The following ST6GAL2 variants were observed in gnomAD, a reference collection of about 807,000 sequenced individuals.
ST6GAL2 encodes beta-galactoside alpha-2,6-sialyltransferase 2.
In ST6GAL2, 24 loss-of-function variants were observed where a neutral mutation model predicts 37.5. That is an observed-to-expected ratio of 0.64 (90% CI 0.46 to 0.90). The LOEUF (loss-of-function observed/expected upper bound fraction) is 0.90. Ranked by LOEUF, ST6GAL2 falls within the 40% of genes least tolerant of loss-of-function variation. ST6GAL2 has a pLI of 0.00. For synonymous variants in ST6GAL2, 306 were observed against 295.1 expected, an observed-to-expected ratio of 1.04 and a Z score of -0.38; for missense variants, 715 against 712.7, an observed-to-expected ratio of 1.00 and a Z score of -0.04.
Position 106,830,191 on chromosome 2 carries a change from C to A in ST6GAL2, c.1193G>T (p.Arg398Leu), listed in dbSNP as rs144935783. 1 of 1,613,584 alleles carries A rather than the reference C, an allele frequency of 6.2e-7. No individual in the cohort carries two copies. The highest frequency in any genetic ancestry group is 8.5e-7 in the Non-Finnish European group (1 of 1,179,974). ...YNLFTPYIQH[R>L]QRNPNQPFYI... is the part of the protein sequence containing the mutation. The stretch of plus-strand genomic sequence containing the variant: ...AAATGGCTGATTTGGGTTTCTCTGA[C>A]GATGCTGAATATATGGAGTGAACAG... The change falls in exon 5 of 6, where the codon CGT (arginine) becomes CTT (leucine). Residue 398 changes from arginine (R) to leucine (L), a missense_variant. Arg to Leu is a moderately radical substitution (Grantham distance 102). Around this residue, in one of 3 missense-constraint regions of ST6GAL2, gnomAD observed 198 missense variants for 203.6 expected, o/e 0.97. Coordinates refer to ENST00000409382, the MANE Select transcript of ST6GAL2 (RefSeq NM_001142351.2).
chr2:106,855,037 T>A (rs1677520504), intron 1 of ST6GAL2, among the ~76,000 whole-genome samples: 1 of 152,190 alleles, frequency 6.6e-6, no homozygotes, highest in Non-Finnish European at 1.5e-5. Context: ...GTTAATGAGC[T>A]TATTATAATT....
Position 106,843,694 on chromosome 2 carries a change from T to G in ST6GAL2, c.284A>C (p.Asp95Ala). 1 of 1,613,126 alleles carries G rather than the reference T, an allele frequency of 6.2e-7. No individual in the cohort carries two copies. Among genetic ancestry groups the G allele is most frequent in the Non-Finnish European group, 8.5e-7 (1 of 1,179,996 alleles). ...TTGGGACTGGGCCCATTTCTGCAGG[T>G]CTCCAGGCCCCGCATGAAAGGAACC... ...PAGSFHAGPG[D>A]LQKWAQSQDG... Residue 95 changes from aspartate to alanine, a missense_variant, in exon 2 of 6, where the codon GAC becomes GCC. Around this residue, in one of 3 missense-constraint regions of ST6GAL2, gnomAD observed 512 missense variants for 488.8 expected, o/e 1.05. Transcript: ENST00000409382.
At chr2:106,868,313 C>T (rs1000296197) in intron 1 of ST6GAL2, among the ~76,000 whole-genome samples, 3 of 152,112 alleles carry the variant, frequency 2.0e-5, no homozygotes, top group Admixed American at 6.5e-5. Context: ...TACAAATCCC[C>T]GGCAAGGTGC....
intron 1 of ST6GAL2, among the ~76,000 whole-genome samples, chr2:106,866,628 T>C (rs775122546): frequency 1.3e-5 from 2 of 152,132 alleles, no homozygotes; most frequent in Non-Finnish European, 2.9e-5. Context: ...AGTAAGGCAA[T>C]TGTACTTTAA....
intron 1 of ST6GAL2, among the ~76,000 whole-genome samples, chr2:106,884,127 G>T (rs779240735): frequency 6.6e-5 from 10 of 151,886 alleles, no homozygotes; most frequent in South Asian, 2.1e-4. Context: ...ACTCGGGGGT[G>T]GGGGGGTGGA....
chr2:106,847,517 C>G (rs930213645), intron 1 of ST6GAL2, among the ~76,000 whole-genome samples: 3 of 152,126 alleles, frequency 2.0e-5, no homozygotes, highest in Admixed American at 6.5e-5. Flanking sequence ...GTGTTAAGGG[C>G]TCAGGCCTCC....
intron 5 of ST6GAL2, among the ~76,000 whole-genome samples, chr2:106,817,901 T>G (rs1675862104): frequency 6.6e-6 from 1 of 152,030 alleles, no homozygotes; most frequent in African/African-American, 2.4e-5. Flanking sequence ...TGAAGAGTCC[T>G]TGGGCCTTAA....
intron 5 of ST6GAL2, among the ~76,000 whole-genome samples, chr2:106,812,873 C>A (rs907877378): frequency 6.6e-6 from 1 of 152,122 alleles, no homozygotes; most frequent in East Asian, 1.9e-4. Context: ...CAGTAAAGGA[C>A]AGCTTTTAAA....
intron 2 of ST6GAL2, among the ~76,000 whole-genome samples, chr2:106,841,762 A>G (rs558832578): frequency 5.3e-5 from 8 of 152,298 alleles, no homozygotes; most frequent in African/African-American, 1.9e-4. Context: ...ATGCAGGCCC[A>G]TCTGGTGCAG....
chr2:106,827,584 A>G (rs925260768), intron 5 of ST6GAL2, among the ~76,000 whole-genome samples: 5 of 152,134 alleles, frequency 3.3e-5, no homozygotes, highest in African/African-American at 1.2e-4. Context: ...GTGGGAACTG[A>G]GGGATTTCTT....
At position 106,805,703 on chromosome 2, in the gene ST6GAL2, G is replaced by C. The variant is rs781702433; in HGVS notation, c.*975C>G. ...TAATAAAGACAGGCGTGCATCCCTA[G>C]AAGCACAGGGTGATGGCTCCAAAAT... is the stretch of plus-strand genomic sequence containing the variant. On this transcript the variant is annotated 3_prime_UTR_variant, in exon 6 of 6. Coordinates refer to ENST00000409382, the MANE Select transcript of ST6GAL2 (RefSeq NM_001142351.2). 2.0e-5 allele frequency: 3 copies of C among 152,196 alleles called. No individual in the cohort carries two copies. The highest frequency in any genetic ancestry group is 2.9e-5 in the Non-Finnish European group (2 of 68,048). The allele number at this position is 152,196 out of a possible 1,614,324, so 9.4% of individuals were successfully genotyped here.
chr2:106,852,291 C>T (rs963269977), intron 1 of ST6GAL2, among the ~76,000 whole-genome samples: 1 of 152,322 alleles, frequency 6.6e-6, no homozygotes, highest in East Asian at 1.9e-4. Flanking sequence ...GGGCAGCCCC[C>T]CTGCAGGCAG....
chr2:106,870,801 T>G (rs1029864715), intron 1 of ST6GAL2, among the ~76,000 whole-genome samples: 5 of 152,134 alleles, frequency 3.3e-5, no homozygotes, highest in Admixed American at 1.3e-4. Context: ...AATTAAAAAG[T>G]GCAGAGAAAC....
chr2:106,851,357 C>T (rs960496415), intron 1 of ST6GAL2, among the ~76,000 whole-genome samples: 1 of 152,164 alleles, frequency 6.6e-6, no homozygotes, highest in Non-Finnish European at 1.5e-5. Context: ...AACAAAGACA[C>T]GAGTCACATT....
chr2:106,837,681 C>A (rs1472543535), intron 2 of ST6GAL2, among the ~76,000 whole-genome samples: 2 of 152,186 alleles, frequency 1.3e-5, no homozygotes, highest in African/African-American at 2.4e-5. Flanking sequence ...ACGCTACCCA[C>A]CCCTCAGACA....
intron 5 of ST6GAL2, among the ~76,000 whole-genome samples, chr2:106,814,555 T>C (rs1440495821): frequency 6.6e-6 from 1 of 151,396 alleles, no homozygotes; most frequent in African/African-American, 2.4e-5. Flanking sequence ...TTGGCAATTG[T>C]ACCTTAAAAA....
chr2:106,834,204 GA>G, intron 2 of ST6GAL2, 58 bp from the exon 3 acceptor site: 4 of 1,290,422 alleles, frequency 3.1e-6, no homozygotes, highest in East Asian at 2.4e-5. Flanking sequence ...CATAATCTAG[GA>G]AAAAATGTTA....
At chr2:106,813,332 G>A (rs776225765) in intron 5 of ST6GAL2, 101 of 670,474 alleles carry the variant, frequency 1.5e-4, no homozygotes, top group Non-Finnish European at 2.0e-4. Context: ...ATCATATAAC[G>A]CAAGATAATT....
intron 5 of ST6GAL2, among the ~76,000 whole-genome samples, chr2:106,818,748 A>T (rs1046994626): frequency 1.3e-5 from 2 of 152,202 alleles, no homozygotes; most frequent in African/African-American, 4.8e-5. Context: ...TAAATAGGGC[A>T]TCAGTGACCA....
Sources: allele counts gnomAD v4.1 joint callset (sites outside exome capture counted in the v4.1 genomes callset), GRCh38; gene constraint gnomAD v4.1.1; regional missense constraint gnomAD v4.1.1; transcripts MANE v1.5; gene names NCBI Gene and HGNC (gene_info 2026-07-23, HGNC 2026-07-21).